Variants in CNTNAP2 observed in about 807,000 individuals in gnomAD.
CNTNAP2 encodes contactin associated protein 2, also known as contactin-associated protein-like 2.
A neutral mutation model predicts 155.2 loss-of-function variants in CNTNAP2; 98 were observed. The ratio of observed to expected loss-of-function variants is 0.63; its 90% CI spans 0.54 to 0.75. CNTNAP2 has a LOEUF of 0.75. Among genes scored for constraint, CNTNAP2 ranks in the 30% least tolerant of loss-of-function variants. The pLI is 0.00. For missense variants in CNTNAP2, 1,727 were observed against 1,688.1 expected (o/e 1.02, Z -0.40); for synonymous variants, 651 against 631.2 (o/e 1.03, Z -0.47).
chr7:146,674,338 G>C (rs987409542), intron 1 of CNTNAP2, among the ~76,000 whole-genome samples: 1 of 152,194 alleles, frequency 6.6e-6, no homozygotes, highest in South Asian at 2.1e-4. Context: ...TACTTTCTTA[G>C]TAATATTTTG....
At chr7:147,162,388 T>A (rs1802043906) in intron 8 of CNTNAP2, among the ~76,000 whole-genome samples, 1 of 152,246 alleles carries the variant, frequency 6.6e-6, no homozygotes, top group Non-Finnish European at 1.5e-5. Flanking sequence ...TTTCATAAGC[T>A]AATAGTTGTT....
intron 3 of CNTNAP2, among the ~76,000 whole-genome samples, chr7:146,920,989 G>A (rs1796486693): frequency 6.6e-6 from 1 of 152,114 alleles, no homozygotes; most frequent in Admixed American, 6.6e-5. Flanking sequence ...ATATTTTAGG[G>A]CAATGTTATG....
At chr7:146,398,051 T>G (rs1795658047) in intron 1 of CNTNAP2, among the ~76,000 whole-genome samples, 1 of 151,832 alleles carries the variant, frequency 6.6e-6, no homozygotes, top group African/African-American at 2.4e-5. Flanking sequence ...TTTTTGCATT[T>G]TTTGTGGAGA....
chr7:146,206,864 C>G (rs1798955173), intron 1 of CNTNAP2, among the ~76,000 whole-genome samples: 1 of 151,944 alleles, frequency 6.6e-6, no homozygotes, highest in African/African-American at 2.4e-5. Flanking sequence ...ACATTTCTCT[C>G]AAATCACCAA....
intron 21 of CNTNAP2, among the ~76,000 whole-genome samples, chr7:148,283,239 CA>C (rs1199411040): frequency 0.059 from 1,653 of 27,942 alleles, 142 homozygotes; most frequent in Middle Eastern, 0.12. Flanking sequence ...AACTCTGTCT[CA>C]AAAAAAAAAA....
At chr7:147,324,462 C>G (rs1372317387) in intron 9 of CNTNAP2, among the ~76,000 whole-genome samples, 1 of 152,112 alleles carries the variant, frequency 6.6e-6, no homozygotes, top group African/African-American at 2.4e-5. Context: ...TCCATTCAGC[C>G]TTATGTTTTC....
intron 21 of CNTNAP2, among the ~76,000 whole-genome samples, chr7:148,346,211 T>C (rs1798323674): frequency 6.6e-6 from 1 of 152,166 alleles, no homozygotes; most frequent in African/African-American, 2.4e-5. Flanking sequence ...CTTCAAAAAA[T>C]GGGAAGAACA....
At chr7:148,218,679 C>A (rs981139083) in intron 19 of CNTNAP2, among the ~76,000 whole-genome samples, 4 of 152,072 alleles carry the variant, frequency 2.6e-5, no homozygotes, top group Admixed American at 6.6e-5. Context: ...CATGAGCCAC[C>A]ATGCCCGGCC....
chr7:147,991,320 A>C (rs1211297657), intron 15 of CNTNAP2, among the ~76,000 whole-genome samples: 2 of 151,448 alleles, frequency 1.3e-5, no homozygotes, highest in Non-Finnish European at 2.9e-5. Flanking sequence ...TGGTTAAATA[A>C]CCACAAAAGA....
intron 15 of CNTNAP2, among the ~76,000 whole-genome samples, chr7:148,044,432 T>A (rs1417587611): frequency 6.6e-6 from 1 of 152,222 alleles, no homozygotes; most frequent in Non-Finnish European, 1.5e-5. Context: ...ATAGTCTGAA[T>A]GTCTCTATCC....
intron 1 of CNTNAP2, among the ~76,000 whole-genome samples, chr7:146,711,723 TCTTATGTATACATATATAGTATAC>T: frequency 6.8e-6 from 1 of 146,838 alleles, no homozygotes; most frequent in Non-Finnish European, 1.5e-5. Flanking sequence ...AGTATACACA[TCTTATGTATACATATATAGTATAC>T]ACATCTTATG....
At chr7:148,052,577 C>G (rs1011240253) in intron 15 of CNTNAP2, among the ~76,000 whole-genome samples, 9 of 152,050 alleles carry the variant, frequency 5.9e-5, no homozygotes, top group African/African-American at 1.9e-4. Context: ...ATTTTCACCT[C>G]TAAAATTATA....
chr7:146,748,018 T>A (rs182650488), intron 1 of CNTNAP2, among the ~76,000 whole-genome samples: 3,311 of 152,084 alleles, frequency 0.022, 104 homozygotes, highest in African/African-American at 0.067. Context: ...CTCCTTTTTT[T>A]AAAAATTTTT....
chr7:146,911,048 T>C (rs1219504622), intron 3 of CNTNAP2, among the ~76,000 whole-genome samples: 4 of 151,812 alleles, frequency 2.6e-5, no homozygotes, highest in African/African-American at 9.7e-5. Context: ...AAAAAACACA[T>C]GAAAAAATGC....
chr7:147,601,518 A>G (rs1442332726), intron 12 of CNTNAP2, among the ~76,000 whole-genome samples: 1 of 151,840 alleles, frequency 6.6e-6, no homozygotes, highest in Non-Finnish European at 1.5e-5. Context: ...GTGATTCTTC[A>G]GTTACTTCAG....
intron 8 of CNTNAP2, 144 bp from the exon 9 acceptor site, chr7:147,299,997 A>G: frequency 1.2e-6 from 1 of 801,560 alleles, no homozygotes. Context: ...AAGAGACATG[A>G]GACGTCAGTT....
chr7:147,557,834 C>T (rs1347973187), intron 11 of CNTNAP2, among the ~76,000 whole-genome samples: 1 of 152,176 alleles, frequency 6.6e-6, no homozygotes, highest in Non-Finnish European at 1.5e-5. Flanking sequence ...TTTGCCATGA[C>T]TTTTCATAGC....
At chr7:147,785,828 C>A (rs1485878790) in intron 13 of CNTNAP2, among the ~76,000 whole-genome samples, 1 of 152,042 alleles carries the variant, frequency 6.6e-6, no homozygotes, top group Non-Finnish European at 1.5e-5. Context: ...CCCATCTCTA[C>A]TAAAAATACA....
chr7:147,586,547 G>GGAAGGAAGGAAGGAAAGA (rs1563009757), intron 12 of CNTNAP2, among the ~76,000 whole-genome samples: 1 of 21,304 alleles, frequency 4.7e-5, no homozygotes, highest in African/African-American at 2.4e-4. Context: ...GGAAGGAAGG[G>GGAAGGAAGGAAGGAAAGA]AGGGAGGGAG....
Sources: allele counts gnomAD v4.1 joint callset (sites outside exome capture counted in the v4.1 genomes callset), GRCh38; gene constraint gnomAD v4.1.1; transcripts MANE v1.5; gene names NCBI Gene and HGNC (gene_info 2026-07-23, HGNC 2026-07-21).